The following AKAP12 variants were observed in gnomAD, a reference collection of about 807,000 sequenced individuals.
The protein encoded by AKAP12 is A-kinase anchor protein 12.
A neutral mutation model predicts 79.9 loss-of-function variants in AKAP12; 32 were observed. The observed-to-expected ratio is 0.40, with a 90% CI of 0.30 to 0.54. The LOEUF (loss-of-function observed/expected upper bound fraction) is 0.54. Among genes scored for constraint, AKAP12 ranks in the 20% least tolerant of loss-of-function variants. The pLI, the probability that AKAP12 is intolerant of heterozygous loss-of-function variation, is 0.48. For synonymous variants in AKAP12, 808 were observed against 857.0 expected, an observed-to-expected ratio of 0.94 and a Z score of 1.00; for missense variants, 2,074 against 2,177.0, an observed-to-expected ratio of 0.95 and a Z score of 0.94.
At chr6:151,247,948 T>C (rs915524885) in intron 2 of AKAP12, among the ~76,000 whole-genome samples, 16 of 152,196 alleles carry the variant, frequency 1.1e-4, no homozygotes, top group Non-Finnish European at 2.1e-4. Context: ...TGTGATGTTT[T>C]TTAAATGGGG....
At chr6:151,259,017 T>G (rs768401456) in intron 2 of AKAP12, among the ~76,000 whole-genome samples, 2 of 150,906 alleles carry the variant, frequency 1.3e-5, no homozygotes, top group African/African-American at 4.9e-5. Flanking sequence ...TGTGTATATA[T>G]ATATATTTAT....
Position 151,240,730 on chromosome 6 carries a change from G to C in AKAP12, c.162+6G>C. The stretch of plus-strand genomic sequence containing the variant: ...CCTCGGACCCCGCCACCAAGGTACG[G>C]GCGTGCCGGGCCACCTGCGCCGGGA... On this transcript the variant is annotated splice_donor_region_variant and intron_variant, in intron 2 of 4. Transcript: ENST00000402676. 1 of 1,255,684 alleles carries C rather than the reference G, an allele frequency of 8.0e-7. No homozygotes were observed. The highest frequency in any genetic ancestry group is 3.2e-5 in the East Asian group (1 of 31,440). 77.8% of individuals were successfully genotyped at this position (1,255,684 alleles called of 1,614,324 possible). A position where few individuals can be genotyped will look rare whatever the true frequency, so the allele number is the denominator to read the frequency against.
chr6:151,324,868 G>A, intron 3 of AKAP12: 1 of 985,382 alleles, frequency 1.0e-6, no homozygotes. Flanking sequence ...AGTATTCTAG[G>A]GCTGCCTGAA....
At chr6:151,341,721 C>T in intron 3 of AKAP12, 1 of 1,269,618 alleles carries the variant, frequency 7.9e-7, no homozygotes, top group Non-Finnish European at 1.0e-6. Context: ...GCAGTTCGCC[C>T]CGCAGCGATG....
intron 3 of AKAP12, among the ~76,000 whole-genome samples, chr6:151,322,788 G>A (rs1777431179): frequency 6.6e-6 from 1 of 152,250 alleles, no homozygotes; most frequent in African/African-American, 2.4e-5. Context: ...CTGAGCTCCC[G>A]AGGCCAGGGA....
At position 151,349,154 on chromosome 6, in the gene AKAP12, C is replaced by G. The variant is rs887652361; in HGVS notation, c.763C>G (p.Pro255Ala). 4.3e-6 allele frequency: 7 copies of G among 1,613,756 alleles called. No individual in the cohort carries two copies. The highest frequency in any genetic ancestry group is 1.1e-5 in the South Asian group (1 of 91,052). Residue 255 changes from proline to alanine, a missense_variant, in exon 4 of 5, where the codon CCA becomes GCA. Physicochemically the swap from Pro to Ala is conservative, Grantham distance 27. Around this residue, in one of 3 missense-constraint regions of AKAP12, gnomAD observed 1,428 missense variants for 1,451.0 expected, o/e 0.98. Transcript: ENST00000402676. The part of the protein sequence containing the change: ...REQSHAEISP[P>A]AESGQAVEEC... ...GCAAAGCCACGCAGAAATTTCTCCC[C>G]CAGCCGAATCTGGCCAAGCAGTGGA... is the stretch of plus-strand genomic sequence containing the variant.
Position 151,348,214 on chromosome 6 carries a change from CTAAT to C in AKAP12, c.320-496_320-493del, listed in dbSNP as rs1264426868. 9.3e-5 allele frequency: 32 copies of C among 345,284 alleles called. No homozygotes were observed. In the Admixed American group the frequency reaches 1.2e-3, roughly 13 times the overall value. The allele number at this position is 345,284 out of a possible 1,614,324, so 21.4% of individuals were successfully genotyped here. On this transcript the variant is annotated intron_variant, in intron 3 of 4. Coordinates refer to ENST00000402676, the MANE Select transcript of AKAP12 (RefSeq NM_005100.4). ...TGGTGACAGACGCCTGTAATCCCAG[CTAAT>C]CAGGAGGCTGAGGTGGGAGAATCAC...
chr6:151,302,755 A>G (rs1183695309), intron 2 of AKAP12, among the ~76,000 whole-genome samples: 2 of 152,136 alleles, frequency 1.3e-5, no homozygotes, highest in African/African-American at 2.4e-5. Context: ...GAAACTGTGT[A>G]TGTCAACAGT....
intron 3 of AKAP12, among the ~76,000 whole-genome samples, chr6:151,345,967 G>A (rs1778093272): frequency 7.0e-6 from 1 of 143,760 alleles, no homozygotes; most frequent in African/African-American, 2.6e-5. Context: ...GAGAGAGAAA[G>A]GAGAGACAGT....
At chr6:151,312,427 A>G (rs1367459203) in intron 3 of AKAP12, among the ~76,000 whole-genome samples, 1 of 152,064 alleles carries the variant, frequency 6.6e-6, no homozygotes, top group Non-Finnish European at 1.5e-5. Context: ...GCAGTGAGCC[A>G]TGATTGCACC....
intron 2 of AKAP12, among the ~76,000 whole-genome samples, chr6:151,264,394 G>T (rs1162454315): frequency 1.3e-5 from 2 of 151,256 alleles, no homozygotes; most frequent in Non-Finnish European, 2.9e-5. Context: ...AAAAAGCTTG[G>T]GCATAGTGGC....
intron 3 of AKAP12, among the ~76,000 whole-genome samples, chr6:151,314,164 A>G (rs1431989582): frequency 1.3e-5 from 2 of 151,904 alleles, no homozygotes; most frequent in Non-Finnish European, 2.9e-5. Flanking sequence ...AGTAGCTGGA[A>G]TTACAGGCGT....
intron 2 of AKAP12, 70 bp downstream of exon 2, chr6:151,240,794 T>A: frequency 1.2e-6 from 1 of 818,428 alleles, no homozygotes; most frequent in Non-Finnish European, 1.6e-6. Flanking sequence ...GGTGGGGGGG[T>A]CCCTCCGATT....
In AKAP12 at chr6:151,349,933, T is replaced by C. The variant is rs41289365; in HGVS notation, c.1542T>C (p.Ser514=). The change falls in exon 4 of 5, where the codon AGT becomes AGC. Residue 514 remains serine, a synonymous_variant. Coordinates refer to ENST00000402676, the MANE Select transcript of AKAP12 (RefSeq NM_005100.4). ...AGGAGAGAATGAAGGTGCAGGGAAG[T>C]CCACTAAAGAAGCTTTTTACCAGCA... The part of the protein sequence containing the change: ...SSQERMKVQG[S]PLKKLFTSTG... 8 of 1,613,798 alleles carry C rather than the reference T, an allele frequency of 5.0e-6. No homozygotes were observed. The highest frequency in any genetic ancestry group is 6.8e-6 in the Non-Finnish European group (8 of 1,179,954).
chr6:151,325,798 C>G, intron 3 of AKAP12: 1 of 1,613,172 alleles, frequency 6.2e-7, no homozygotes, highest in Non-Finnish European at 8.5e-7. Flanking sequence ...GGAGACTAGG[C>G]GTCTGCCGGG....
At chr6:151,345,217 A>G (rs1213060880) in intron 3 of AKAP12, among the ~76,000 whole-genome samples, 2 of 151,690 alleles carry the variant, frequency 1.3e-5, no homozygotes, top group Non-Finnish European at 2.9e-5. Context: ...CTGGGATTAC[A>G]GGCGCCTGCC....
chr6:151,321,233 C>T (rs533761889), intron 3 of AKAP12, among the ~76,000 whole-genome samples: 6 of 152,160 alleles, frequency 3.9e-5, no homozygotes, highest in East Asian at 3.9e-4. Flanking sequence ...GTGATCTGCC[C>T]GCCTCGGCCT....
chr6:151,290,730 C>T (rs1215575093), intron 2 of AKAP12, among the ~76,000 whole-genome samples: 1 of 152,096 alleles, frequency 6.6e-6, no homozygotes, highest in Non-Finnish European at 1.5e-5. Context: ...CTCAGTCTCC[C>T]GAGTAGCTGG....
intron 2 of AKAP12, among the ~76,000 whole-genome samples, chr6:151,275,676 G>A (rs1030884037): frequency 3.3e-5 from 5 of 152,094 alleles, no homozygotes; most frequent in Admixed American, 1.3e-4. Context: ...AATCTTTTAC[G>A]ATGGCATGAT....
Sources: allele counts gnomAD v4.1 joint callset (sites outside exome capture counted in the v4.1 genomes callset), GRCh38; gene constraint gnomAD v4.1.1; regional missense constraint gnomAD v4.1.1; transcripts MANE v1.5; gene names NCBI Gene and HGNC (gene_info 2026-07-23, HGNC 2026-07-21).